The following ADARB2 variants were observed in gnomAD, a reference collection of about 807,000 sequenced individuals.
ADARB2 encodes the protein adenosine deaminase RNA specific B2 (inactive), also known as inactive double-stranded RNA-specific editase B2.
ADARB2 carries 25 observed loss-of-function variants against 62.2 expected under a neutral mutation model. The ratio of observed to expected loss-of-function variants is 0.40; its 90% CI spans 0.29 to 0.56. The LOEUF (loss-of-function observed/expected upper bound fraction) is 0.56, where lower values mean the gene tolerates loss of function less well. Among genes scored for constraint, ADARB2 ranks in the 20% least tolerant of loss-of-function variants. The pLI is 0.43. For synonymous variants in ADARB2, 572 were observed against 500.8 expected (o/e 1.14, Z -1.90); for missense variants, 1,071 against 1,077.4 (o/e 0.99, Z 0.08).
intron 1 of ADARB2, among the ~76,000 whole-genome samples, chr10:1,422,924 C>A (rs1451017519): frequency 6.6e-6 from 1 of 152,180 alleles, no homozygotes; most frequent in African/African-American, 2.4e-5. Context: ...TCCCTAGAAA[C>A]AATGGCTTGG....
At chr10:1,379,314 A>G (rs910747792) in intron 1 of ADARB2, among the ~76,000 whole-genome samples, 154 bp from the exon 2 acceptor site, 3 of 152,184 alleles carry the variant, frequency 2.0e-5, no homozygotes, top group Admixed American at 2.0e-4. Context: ...TTTATTGAAT[A>G]TCTGACAGCA....
intron 1 of ADARB2, among the ~76,000 whole-genome samples, chr10:1,633,998 C>T (rs927959469): frequency 6.6e-6 from 1 of 152,188 alleles, no homozygotes; most frequent in Non-Finnish European, 1.5e-5. Flanking sequence ...CAGAGCTCCT[C>T]GTCTCCACCC....
At chr10:1,464,549 G>A (rs879288638) in intron 1 of ADARB2, among the ~76,000 whole-genome samples, 52 of 66,528 alleles carry the variant, frequency 7.8e-4, no homozygotes, top group African/African-American at 8.9e-4. Flanking sequence ...CCACACACGC[G>A]CTGGGGGCAG....
intron 1 of ADARB2, among the ~76,000 whole-genome samples, chr10:1,412,901 C>T (rs6560731): frequency 6.6e-6 from 1 of 152,244 alleles, no homozygotes; most frequent in South Asian, 2.1e-4. Context: ...GTGACTTTAA[C>T]GTAGGTTCCT....
At chr10:1,277,401 A>G (rs1023979640) in intron 3 of ADARB2, among the ~76,000 whole-genome samples, 1 of 152,240 alleles carries the variant, frequency 6.6e-6, no homozygotes, top group African/African-American at 2.4e-5. Flanking sequence ...AATAGATGCA[A>G]TAAAAAATGA....
At chr10:1,473,581 C>T (rs1831356076) in intron 1 of ADARB2, among the ~76,000 whole-genome samples, 1 of 152,064 alleles carries the variant, frequency 6.6e-6, no homozygotes. Flanking sequence ...GGGGTCTCAC[C>T]ATGTTACCTA....
intron 1 of ADARB2, among the ~76,000 whole-genome samples, chr10:1,474,559 G>T (rs928076951): frequency 6.6e-6 from 1 of 152,200 alleles, no homozygotes; most frequent in African/African-American, 2.4e-5. Context: ...GCAAGGCGAT[G>T]CTGTGTCCAC....
At chr10:1,695,010 C>T (rs113724921) in intron 1 of ADARB2, among the ~76,000 whole-genome samples, 4,641 of 152,230 alleles carry the variant, frequency 0.03, 238 homozygotes, top group African/African-American at 0.11. Context: ...TCAGGGGCAG[C>T]GAGATGAACA....
chr10:1,243,118 C>T (rs80212297), intron 4 of ADARB2, among the ~76,000 whole-genome samples: 3,887 of 152,262 alleles, frequency 0.026, 61 homozygotes, highest in Middle Eastern at 0.048. Context: ...CTAGGGAGTC[C>T]GTGTCATTAG....
intron 3 of ADARB2, among the ~76,000 whole-genome samples, chr10:1,271,399 G>A (rs1046976724): frequency 6.6e-5 from 10 of 152,138 alleles, no homozygotes; most frequent in South Asian, 2.1e-4. Flanking sequence ...GGAGTCTTTC[G>A]GCGGGGAGGG....
At chr10:1,197,451 G>A (rs991890368) in intron 8 of ADARB2, among the ~76,000 whole-genome samples, 4 of 152,226 alleles carry the variant, frequency 2.6e-5, no homozygotes, top group Non-Finnish European at 5.9e-5. Context: ...TGGTTTTGCT[G>A]TGAAACATGG....
chr10:1,233,449 A>G lies in ADARB2; in HGVS notation c.1513+245T>C, dbSNP rs189236587. 9.4e-3 allele frequency among the ~76,000 whole-genome samples: 1,424 copies of G among 152,294 alleles called. 12 individuals are homozygous for G. The highest frequency in any genetic ancestry group is 0.013 in the Non-Finnish European group (893 of 68,028). On this transcript the variant is annotated intron_variant, in intron 6 of 9. Transcript: ENST00000381312. ...GGGATTGTCTGAGTTATTAAAGCAG[A>G]GAACTATGGCAATTAGGTAGCTAAT...
In ADARB2 at chr10:1,337,191, G is replaced by A. The variant is rs139356456; in HGVS notation, c.1077+25837C>T. Among the ~76,000 whole-genome samples the A allele has an allele frequency of 4.4e-3, 668 of 152,184 alleles. 4 individuals are homozygous for A. The highest frequency in any genetic ancestry group is 6.8e-3 in the Non-Finnish European group (462 of 68,010). On this transcript the variant is annotated intron_variant, in intron 3 of 9. Coordinates refer to ENST00000381312, the MANE Select transcript of ADARB2 (RefSeq NM_018702.4). The stretch of plus-strand genomic sequence containing the variant: ...TAGTGCATGTTTATAAGCATGTGGT[G>A]TATGTGTGCACTTGCCTCCATATTA...
intron 1 of ADARB2, among the ~76,000 whole-genome samples, chr10:1,628,246 G>T (rs1342357712): frequency 1.3e-5 from 2 of 152,230 alleles, no homozygotes; most frequent in Non-Finnish European, 2.9e-5. Flanking sequence ...GAGCGAGGGG[G>T]CCTCATCAGT....
chr10:1,672,624 CACACTTTCCCCTCCTCCTT>C (rs1182356878), intron 1 of ADARB2, among the ~76,000 whole-genome samples: 14 of 78,096 alleles, frequency 1.8e-4, no homozygotes, highest in South Asian at 4.9e-4. Flanking sequence ...CCTCCATGGA[CACACTTTCCCCTCCTCCTT>C]GCAGGCCCCG....
chr10:1,456,721 C>T (rs1191957702), intron 1 of ADARB2, among the ~76,000 whole-genome samples: 2 of 152,138 alleles, frequency 1.3e-5, no homozygotes, highest in Non-Finnish European at 2.9e-5. Context: ...ACATATTTCT[C>T]TTTTACTTTG....
intron 1 of ADARB2, among the ~76,000 whole-genome samples, chr10:1,401,269 A>T (rs1832659435): frequency 6.6e-6 from 1 of 152,178 alleles, no homozygotes; most frequent in South Asian, 2.1e-4. Flanking sequence ...TGACTTTCCC[A>T]CAAGGCATCA....
At chr10:1,480,034 T>C (rs942805821) in intron 1 of ADARB2, among the ~76,000 whole-genome samples, 17 of 151,120 alleles carry the variant, frequency 1.1e-4, no homozygotes, top group Middle Eastern at 3.4e-3. Flanking sequence ...AAATAAATGC[T>C]CTCAATATGA....
chr10:1,519,594 C>T (rs768207208), intron 1 of ADARB2, among the ~76,000 whole-genome samples: 69 of 152,150 alleles, frequency 4.5e-4, no homozygotes, highest in Admixed American at 5.9e-4. Flanking sequence ...TGGTGTGGAA[C>T]GGAGGTGTGG....
Sources: allele counts gnomAD v4.1 joint callset (sites outside exome capture counted in the v4.1 genomes callset), GRCh38; gene constraint gnomAD v4.1.1; transcripts MANE v1.5; gene names NCBI Gene and HGNC (gene_info 2026-07-23, HGNC 2026-07-21).